PRRC2C: variants seen among roughly 807,000 people sequenced by gnomAD.
PRRC2C encodes proline rich coiled-coil 2C, also known as protein PRRC2C.
A neutral mutation model predicts 317.2 loss-of-function variants in PRRC2C; 72 were observed. The ratio of observed to expected loss-of-function variants is 0.23; its 90% CI spans 0.19 to 0.28. PRRC2C has a LOEUF of 0.28. Ranked by LOEUF, PRRC2C falls within the 10% of genes least tolerant of loss-of-function variation. The pLI, the probability that PRRC2C is intolerant of heterozygous loss-of-function variation, is 1.00. For synonymous variants in PRRC2C, 1,296 were observed against 1,205.9 expected, an observed-to-expected ratio of 1.07 and a Z score of -1.55; for missense variants, 3,074 against 3,459.7, an observed-to-expected ratio of 0.89 and a Z score of 2.80.
chr1:171,490,108 T>TG (rs1666847338), intron 1 of PRRC2C, among the ~76,000 whole-genome samples: 1 of 152,078 alleles, frequency 6.6e-6, no homozygotes, highest in Non-Finnish European at 1.5e-5. Context: ...TTAGTAGAGA[T>TG]GGGGTTTCAC....
At chr1:171,511,209 A>C (rs888741887) in intron 1 of PRRC2C, 16 of 152,114 alleles carry the variant, frequency 1.1e-4, no homozygotes, top group Admixed American at 2.6e-4. Context: ...ACAAAAACAA[A>C]AACAACCGTT....
intron 4 of PRRC2C, among the ~76,000 whole-genome samples, chr1:171,515,289 A>G (rs867760936): frequency 3.3e-5 from 5 of 152,376 alleles, no homozygotes; most frequent in Middle Eastern, 3.4e-3. Flanking sequence ...TGTAAATTAA[A>G]TCAAAGTAAA....
chr1:171,504,225 AT>A (rs553160632), intron 1 of PRRC2C, among the ~76,000 whole-genome samples: 2 of 151,964 alleles, frequency 1.3e-5, no homozygotes, highest in Admixed American at 6.6e-5. Context: ...TGATTTGACA[AT>A]TTTTTTTCCA....
chr1:171,531,328 ATTTTAC>A (rs984756344), intron 11 of PRRC2C, among the ~76,000 whole-genome samples: 6 of 152,186 alleles, frequency 3.9e-5, no homozygotes, highest in Non-Finnish European at 7.3e-5. Context: ...TTTTATGTAA[ATTTTAC>A]TTTTATGAAG....
intron 33 of PRRC2C, 39 bp downstream of exon 33, chr1:171,588,544 A>G (rs544515445): frequency 6.7e-5 from 107 of 1,586,414 alleles, no homozygotes; most frequent in Admixed American, 2.8e-4. Context: ...TTATTTACTT[A>G]AAAATAGTTG....
At position 171,566,512 on chromosome 1, in the gene PRRC2C, G is replaced by A. The variant is rs561658511; in HGVS notation, c.6307-80G>A. 125 of 1,478,194 alleles carry A rather than the reference G, an allele frequency of 8.5e-5. No individual in the cohort carries two copies. In the African/African-American group the frequency reaches 1.5e-3, roughly 18 times the overall value. 91.6% of individuals were successfully genotyped at this position (1,478,194 alleles called of 1,614,324 possible). ...TTTTAAAAGTGAACTTAATTTTAAT[G>A]AATATCTTTGATCATGGTGCAATGA... On this transcript the variant is annotated intron_variant, in intron 21 of 34. Coordinates refer to ENST00000647382, the MANE Select transcript of PRRC2C (RefSeq NM_001387844.1).
intron 6 of PRRC2C, among the ~76,000 whole-genome samples, chr1:171,521,502 A>G (rs1673545884): frequency 6.6e-6 from 1 of 152,222 alleles, no homozygotes; most frequent in Admixed American, 6.5e-5. Context: ...GAATTCACCT[A>G]TGCCATATAC....
intron 1 of PRRC2C, among the ~76,000 whole-genome samples, chr1:171,497,208 T>G (rs1668286968): frequency 6.6e-6 from 1 of 152,102 alleles, no homozygotes. Context: ...TCATTTAGGG[T>G]CTCTTAAGTG....
At chr1:171,543,471 A>G (rs2102516374) in intron 16 of PRRC2C, among the ~76,000 whole-genome samples, 1 of 152,120 alleles carries the variant, frequency 6.6e-6, no homozygotes, top group East Asian at 1.9e-4. Flanking sequence ...TTGCTTCCTC[A>G]CCGCTAAAAT....
intron 5 of PRRC2C, among the ~76,000 whole-genome samples, chr1:171,516,969 A>G (rs1307154013): frequency 6.6e-6 from 1 of 152,238 alleles, no homozygotes; most frequent in Non-Finnish European, 1.5e-5. Flanking sequence ...TACAGGTTAC[A>G]CAGACCAACC....
At chr1:171,499,209 C>T (rs563291384) in intron 1 of PRRC2C, among the ~76,000 whole-genome samples, 1 of 152,332 alleles carries the variant, frequency 6.6e-6, no homozygotes, top group Non-Finnish European at 1.5e-5. Flanking sequence ...TTTCTAAATT[C>T]TGCCTCCACT....
At chr1:171,555,850 G>A (rs1180428689) in intron 18 of PRRC2C, among the ~76,000 whole-genome samples, 1 of 152,036 alleles carries the variant, frequency 6.6e-6, no homozygotes, top group African/African-American at 2.4e-5. Flanking sequence ...GGAAGCCTCG[G>A]TCTCCCAGTT....
intron 33 of PRRC2C, among the ~76,000 whole-genome samples, chr1:171,589,123 A>G (rs1285479326): frequency 6.6e-6 from 1 of 152,078 alleles, no homozygotes; most frequent in Admixed American, 6.5e-5. Context: ...AGAATTTACA[A>G]CTGAGATGCT....
intron 1 of PRRC2C, among the ~76,000 whole-genome samples, chr1:171,504,747 G>A (rs1481824744): frequency 1.3e-5 from 2 of 152,102 alleles, no homozygotes; most frequent in Non-Finnish European, 2.9e-5. Flanking sequence ...GGTAGGGGGT[G>A]GGTGGTGCTG....
At chr1:171,572,215 CTG>C (rs950635343) in intron 24 of PRRC2C, among the ~76,000 whole-genome samples, 1 of 152,012 alleles carries the variant, frequency 6.6e-6, no homozygotes, top group African/African-American at 2.4e-5. Flanking sequence ...GTTTTGAACT[CTG>C]GGCTCCAGCG....
intron 1 of PRRC2C, among the ~76,000 whole-genome samples, chr1:171,505,407 C>G (rs1264246518): frequency 6.6e-6 from 1 of 152,102 alleles, no homozygotes; most frequent in East Asian, 1.9e-4. Flanking sequence ...TATAGAAATA[C>G]AATTGAATTT....
Position 171,587,703 on chromosome 1 carries a change from C to T in PRRC2C, c.8024C>T (p.Thr2675Ile), listed in dbSNP as rs989080492. 6.2e-7 allele frequency: 1 copy of T among 1,613,576 alleles called. No homozygotes were observed. Among genetic ancestry groups the T allele is most frequent in the Non-Finnish European group, 8.5e-7 (1 of 1,179,594 alleles). The change falls in exon 32 of 35, where the codon ACA becomes ATA. Residue 2675 changes from threonine to isoleucine, a missense_variant. Thr to Ile is a moderately conservative substitution (Grantham distance 89). Transcript: ENST00000647382. The stretch of plus-strand genomic sequence containing the variant: ...AGTGGCATTGATATAAAACCAGGCA[C>T]ACCTCCAATCGCTGGTAGAAGCACC... Reference protein sequence around the residue: ...FGSGIDIKPGTPPIAGRSTTP... With the variant: ...FGSGIDIKPGIPPIAGRSTTP...
chr1:171,532,012 G>A (rs1171955076), intron 11 of PRRC2C, among the ~76,000 whole-genome samples: 2 of 152,148 alleles, frequency 1.3e-5, no homozygotes, highest in African/African-American at 4.8e-5. Flanking sequence ...AAGTATCCAT[G>A]CTAAATTTCC....
intron 6 of PRRC2C, 145 bp downstream of exon 6, chr1:171,517,959 A>T: frequency 1.5e-6 from 1 of 687,662 alleles, no homozygotes; most frequent in South Asian, 2.0e-5. Context: ...TGTATGGTAT[A>T]TTGTGAGAAG....
Sources: allele counts gnomAD v4.1 joint callset (sites outside exome capture counted in the v4.1 genomes callset), GRCh38; gene constraint gnomAD v4.1.1; transcripts MANE v1.5; gene names NCBI Gene and HGNC (gene_info 2026-07-23, HGNC 2026-07-21).